The following CEP128 variants were observed in gnomAD, a reference collection of about 807,000 sequenced individuals.
The protein encoded by CEP128 is centrosomal protein 128.
A neutral mutation model predicts 156.7 loss-of-function variants in CEP128; 132 were observed. That is an observed-to-expected ratio of 0.84 (90% CI 0.73 to 0.97). CEP128 has a LOEUF of 0.97. CEP128 is among the 50% of genes least tolerant of loss of function. The probability of loss-of-function intolerance (pLI) is 0.00; values close to 1 mark genes in which losing one functional copy is unlikely to be tolerated. For synonymous variants in CEP128, 469 were observed against 448.9 expected (o/e 1.04, Z -0.57); for missense variants, 1,252 against 1,281.9 (o/e 0.98, Z 0.36).
intron 18 of CEP128, among the ~76,000 whole-genome samples, chr14:80,745,505 T>C (rs1899054487): frequency 6.6e-6 from 1 of 152,162 alleles, no homozygotes; most frequent in Admixed American, 6.6e-5. Flanking sequence ...ACAAACATCA[T>C]ATGATTATAC....
chr14:80,620,521 A>T (rs1893434958), intron 19 of CEP128, among the ~76,000 whole-genome samples: 1 of 152,228 alleles, frequency 6.6e-6, no homozygotes, highest in Non-Finnish European at 1.5e-5. Flanking sequence ...TTGTAAAGGA[A>T]TTAGAATTTG....
At chr14:80,617,435 C>G (rs965315476) in intron 19 of CEP128, among the ~76,000 whole-genome samples, 7 of 151,834 alleles carry the variant, frequency 4.6e-5, no homozygotes, top group Admixed American at 1.3e-4. Flanking sequence ...CGGGGTTTCA[C>G]CATCTTAGCC....
intron 19 of CEP128, among the ~76,000 whole-genome samples, chr14:80,715,230 A>G (rs1464646955): frequency 6.6e-6 from 1 of 152,084 alleles, no homozygotes; most frequent in African/African-American, 2.4e-5. Context: ...CTCAGAAAAA[A>G]AAAAGGAATT....
chr14:80,590,299 A>G (rs1263495389), intron 19 of CEP128, among the ~76,000 whole-genome samples: 1 of 152,332 alleles, frequency 6.6e-6, no homozygotes, highest in East Asian at 1.9e-4. Context: ...AATCCACATG[A>G]AGATGCTTCA....
intron 2 of CEP128, among the ~76,000 whole-genome samples, chr14:80,952,145 A>G (rs1886479523): frequency 6.6e-6 from 1 of 152,118 alleles, no homozygotes; most frequent in Non-Finnish European, 1.5e-5. Flanking sequence ...CTTAAACAAT[A>G]CTATCAACAA....
intron 21 of CEP128, among the ~76,000 whole-genome samples, chr14:80,537,248 T>A (rs1797047346): frequency 6.6e-6 from 1 of 152,184 alleles, no homozygotes; most frequent in African/African-American, 2.4e-5. Flanking sequence ...TTTCTACATG[T>A]AAGTGAATTA....
At chr14:80,580,506 G>A in intron 19 of CEP128, 83 bp from the exon 20 acceptor site, 1 of 805,990 alleles carries the variant, frequency 1.2e-6, no homozygotes, top group East Asian at 2.5e-5. Flanking sequence ...TCAGCCAGTA[G>A]CTTGTATAAA....
At chr14:80,549,808 A>C (rs1194564797) in intron 21 of CEP128, among the ~76,000 whole-genome samples, 1 of 152,216 alleles carries the variant, frequency 6.6e-6, no homozygotes, top group Non-Finnish European at 1.5e-5. Context: ...AGTGATTTGC[A>C]CATGCAGTAG....
At chr14:80,520,791 G>T (rs1029889895) in intron 23 of CEP128, among the ~76,000 whole-genome samples, 2 of 151,878 alleles carry the variant, frequency 1.3e-5, no homozygotes, top group Non-Finnish European at 2.9e-5. Flanking sequence ...TGGTTCATAG[G>T]AATCAGCGCT....
chr14:80,587,538 GC>G (rs768611342), intron 19 of CEP128, among the ~76,000 whole-genome samples: 4 of 152,076 alleles, frequency 2.6e-5, no homozygotes, highest in Non-Finnish European at 5.9e-5. Context: ...AAAACCACTT[GC>G]CACAAAACTG....
chr14:80,742,371 TG>T (rs1172294607), intron 19 of CEP128, among the ~76,000 whole-genome samples: 5 of 152,164 alleles, frequency 3.3e-5, no homozygotes, highest in African/African-American at 7.2e-5. Flanking sequence ...TTCCTCACCT[TG>T]GGCTGGTCCT....
chr14:80,933,879 G>C (rs1885631626), intron 2 of CEP128, among the ~76,000 whole-genome samples: 1 of 152,188 alleles, frequency 6.6e-6, no homozygotes, highest in African/African-American at 2.4e-5. Context: ...TAGGAAGTCT[G>C]CATATGTGAA....
Position 80,872,374 on chromosome 14 carries a change from T to G in CEP128, c.646-9501A>C, listed in dbSNP as rs942527190. Among the ~76,000 whole-genome samples, 15 of 152,162 alleles carry G rather than the reference T, an allele frequency of 9.9e-5. 1 individual carries two copies. The highest frequency in any genetic ancestry group is 5.9e-4 in the Admixed American group (9 of 15,266). On this transcript the variant is annotated intron_variant, in intron 8 of 24. Transcript: ENST00000555265. ...ACAATTTGACATTAGCAAAAAATAT[T>G]TATGATTCACAAAAGATTAACACAT...
intron 8 of CEP128, 21 bp downstream of exon 8, chr14:80,895,697 T>G (rs1282973493): frequency 6.6e-7 from 1 of 1,510,798 alleles, no homozygotes; most frequent in Non-Finnish European, 8.9e-7. Flanking sequence ...ATAAAACTTT[T>G]TATTAAAAAA....
At chr14:80,575,034 T>A (rs1891298101) in intron 20 of CEP128, among the ~76,000 whole-genome samples, 1 of 151,376 alleles carries the variant, frequency 6.6e-6, no homozygotes, top group Admixed American at 6.6e-5. Flanking sequence ...CTCAGAAAAA[T>A]CAGTCACTTA....
rs946110772 is a variant in CEP128, at chr14:80,530,733, T to A, written c.2958+76A>T. On this transcript the variant is annotated intron_variant, in intron 22 of 24. Transcript: ENST00000555265. ...GGTCCTTCTTCCTTTTCTATACTTT[T>A]CTTTGCACATCAGGAAGATGTCAAG... is the stretch of plus-strand genomic sequence containing the variant. 2.5e-5 allele frequency: 26 copies of A among 1,034,556 alleles called. No individual in the cohort carries two copies. In the South Asian group the frequency reaches 4.5e-4, roughly 18 times the overall value. The allele number at this position is 1,034,556 out of a possible 1,614,324, so 64.1% of individuals were successfully genotyped here.
At chr14:80,517,263 C>T (rs536586011) in intron 23 of CEP128, among the ~76,000 whole-genome samples, 1 of 151,844 alleles carries the variant, frequency 6.6e-6, no homozygotes, top group African/African-American at 2.4e-5. Flanking sequence ...CTTTGACTTA[C>T]TTTGGGTTTA....
chr14:80,613,534 C>T (rs1893092477), intron 19 of CEP128, among the ~76,000 whole-genome samples: 1 of 151,634 alleles, frequency 6.6e-6, no homozygotes, highest in Non-Finnish European at 1.5e-5. Flanking sequence ...TGGTCTCAAT[C>T]TCCTGACCTT....
chr14:80,821,098 A>G (rs937221875), intron 13 of CEP128, among the ~76,000 whole-genome samples: 1 of 152,196 alleles, frequency 6.6e-6, no homozygotes. Flanking sequence ...TTTTACAAAG[A>G]TAATTTGTAC....
Sources: allele counts gnomAD v4.1 joint callset (sites outside exome capture counted in the v4.1 genomes callset), GRCh38; gene constraint gnomAD v4.1.1; transcripts MANE v1.5; gene names NCBI Gene and HGNC (gene_info 2026-07-23, HGNC 2026-07-21).